The following LRP1B variants were observed in gnomAD, a reference collection of about 807,000 sequenced individuals.
LRP1B encodes low-density lipoprotein receptor-related protein 1B.
LRP1B carries 217 observed loss-of-function variants against 556.6 expected under a neutral mutation model. The ratio of observed to expected loss-of-function variants is 0.39; its 90% confidence interval spans 0.35 to 0.44. The LOEUF (loss-of-function observed/expected upper bound fraction) is 0.44, where lower values mean the gene tolerates loss of function less well. Among genes scored for constraint, LRP1B ranks in the 20% least tolerant of loss-of-function variants. The probability of loss-of-function intolerance (pLI) is 1.00; values close to 1 mark genes in which losing one functional copy is unlikely to be tolerated. For missense variants in LRP1B, 5,053 were observed against 5,620.8 expected (o/e 0.90, Z 3.23); for synonymous variants, 2,047 against 1,865.8 (o/e 1.10, Z -2.50).
intron 2 of LRP1B, among the ~76,000 whole-genome samples, chr2:141,776,294 A>T (rs7571404): frequency 0.52 from 79,784 of 152,096 alleles, 22,322 homozygotes; most frequent in Non-Finnish European, 0.62. Context: ...TCTGGAAAGG[A>T]AAAATATGAA....
chr2:141,270,732 T>A (rs905163425), intron 3 of LRP1B, among the ~76,000 whole-genome samples: 3 of 151,902 alleles, frequency 2.0e-5, no homozygotes, highest in African/African-American at 7.2e-5. Flanking sequence ...TTACTTAGGG[T>A]AGTAAAATTC....
At chr2:141,858,544 T>C (rs902079374) in intron 1 of LRP1B, among the ~76,000 whole-genome samples, 1 of 152,136 alleles carries the variant, frequency 6.6e-6, no homozygotes, top group Non-Finnish European at 1.5e-5. Flanking sequence ...GCTAACGACA[T>C]AGACTTAAGG....
chr2:141,780,508 A>G (rs1695219277), intron 2 of LRP1B, among the ~76,000 whole-genome samples: 1 of 152,196 alleles, frequency 6.6e-6, no homozygotes, highest in African/African-American at 2.4e-5. Flanking sequence ...TGTCCAGGAA[A>G]AAAATCAGCG....
chr2:140,728,587 T>G (rs1369685522), intron 35 of LRP1B, among the ~76,000 whole-genome samples: 1 of 152,136 alleles, frequency 6.6e-6, no homozygotes, highest in Non-Finnish European at 1.5e-5. Context: ...TCCTCAAACG[T>G]TCGGTTTCTA....
intron 84 of LRP1B, among the ~76,000 whole-genome samples, chr2:140,284,940 A>G (rs1683074347): frequency 6.7e-6 from 1 of 150,240 alleles, no homozygotes; most frequent in Admixed American, 6.7e-5. Flanking sequence ...ATATCTATAT[A>G]TAACTCTGTA....
intron 2 of LRP1B, among the ~76,000 whole-genome samples, chr2:141,588,068 C>T (rs1327883224): frequency 6.6e-6 from 1 of 151,966 alleles, no homozygotes; most frequent in Non-Finnish European, 1.5e-5. Flanking sequence ...TGGAGTTTTG[C>T]CATGTAAGTA....
chr2:141,648,557 T>C (rs1319548322), intron 2 of LRP1B, among the ~76,000 whole-genome samples: 1 of 152,224 alleles, frequency 6.6e-6, no homozygotes, highest in Non-Finnish European at 1.5e-5. Context: ...TCTTTGTATA[T>C]TTGTTTCCTA....
At chr2:141,800,962 G>A (rs943942196) in intron 2 of LRP1B, among the ~76,000 whole-genome samples, 1 of 152,156 alleles carries the variant, frequency 6.6e-6, no homozygotes, top group Admixed American at 6.6e-5. Flanking sequence ...CCATTTAAGT[G>A]AAAATGAATA....
At chr2:140,998,858 A>T (rs1664447199) in intron 15 of LRP1B, among the ~76,000 whole-genome samples, 1 of 152,076 alleles carries the variant, frequency 6.6e-6, no homozygotes, top group Non-Finnish European at 1.5e-5. Flanking sequence ...CAATGGCTGC[A>T]ACTTTGTTTT....
chr2:140,579,149 T>A (rs1478270045), intron 43 of LRP1B, among the ~76,000 whole-genome samples: 3 of 152,090 alleles, frequency 2.0e-5, no homozygotes, highest in Non-Finnish European at 4.4e-5. Context: ...ATATGACACT[T>A]CGGGAGAACA....
intron 35 of LRP1B, among the ~76,000 whole-genome samples, chr2:140,757,463 A>T (rs1440014751): frequency 1.3e-5 from 2 of 152,248 alleles, no homozygotes; most frequent in Admixed American, 6.5e-5. Context: ...TGGCAAAAAA[A>T]GCAATGAAGT....
chr2:141,861,015 T>C (rs1420319491), intron 1 of LRP1B, among the ~76,000 whole-genome samples: 2 of 152,214 alleles, frequency 1.3e-5, no homozygotes, highest in Non-Finnish European at 2.9e-5. Flanking sequence ...TCTCTCTACA[T>C]TCCTCTAGAT....
intron 32 of LRP1B, among the ~76,000 whole-genome samples, chr2:140,803,328 G>A (rs550872500): frequency 1.4e-5 from 2 of 141,624 alleles, no homozygotes; most frequent in African/African-American, 2.7e-5. Flanking sequence ...AGGCTGGAGT[G>A]CAGTGGCGCG....
chr2:141,317,522 T>C (rs1402142472), intron 3 of LRP1B, among the ~76,000 whole-genome samples: 1 of 152,176 alleles, frequency 6.6e-6, no homozygotes, highest in Non-Finnish European at 1.5e-5. Context: ...TAACTCCAAG[T>C]AGAGTCACAT....
intron 1 of LRP1B, among the ~76,000 whole-genome samples, chr2:141,925,521 A>G (rs902721944): frequency 6.6e-6 from 1 of 152,186 alleles, no homozygotes; most frequent in African/African-American, 2.4e-5. Flanking sequence ...CTGAACACAC[A>G]GATCAAAGAA....
In LRP1B at chr2:140,857,821, A is replaced by G. The variant is rs1303722675; in HGVS notation, c.4580-6038T>C. Among the ~76,000 whole-genome samples, 4 of 152,166 alleles carry G rather than the reference A, an allele frequency of 2.6e-5. No individual in the cohort carries two copies. In the East Asian group the frequency reaches 7.7e-4, roughly 29 times the overall value. On this transcript the variant is annotated intron_variant, in intron 27 of 90. Coordinates refer to ENST00000389484, the MANE Select transcript of LRP1B (RefSeq NM_018557.3). ...GAAAATATATATGCAATATAATGTTACATTTATAGGGGAAATGTGTCTTAA... is the reference window on the plus strand; with the variant it reads ...GAAAATATATATGCAATATAATGTTGCATTTATAGGGGAAATGTGTCTTAA...
chr2:141,223,282 C>T (rs1172334376), intron 6 of LRP1B, among the ~76,000 whole-genome samples: 3 of 152,104 alleles, frequency 2.0e-5, no homozygotes. Flanking sequence ...AACTCCCATT[C>T]ACAATTGCTA....
At chr2:141,098,573 C>T (rs920175145) in intron 7 of LRP1B, among the ~76,000 whole-genome samples, 2 of 152,188 alleles carry the variant, frequency 1.3e-5, no homozygotes, top group Admixed American at 6.5e-5. Context: ...TCTTAGCTTA[C>T]ATGAGGACCT....
chr2:141,068,328 A>C (rs1473109239), intron 7 of LRP1B, among the ~76,000 whole-genome samples: 1 of 151,920 alleles, frequency 6.6e-6, no homozygotes, highest in East Asian at 2.0e-4. Context: ...TGTGAGAAAG[A>C]GGGGTGCTCG....
Sources: gnomAD v4.1 joint callset for allele counts (sites outside exome capture counted in the v4.1 genomes callset) on GRCh38, gnomAD v4.1.1 for gene constraint, MANE v1.5 for transcripts, NCBI Gene and HGNC (gene_info 2026-07-23, HGNC 2026-07-21) for gene names.